Variants in DLGAP2 observed in about 807,000 individuals in gnomAD.
The protein encoded by DLGAP2 is disks large-associated protein 2.
A neutral mutation model predicts 100.3 loss-of-function variants in DLGAP2; 26 were observed. The ratio of observed to expected loss-of-function variants is 0.26; its 90% CI spans 0.19 to 0.36. The LOEUF (loss-of-function observed/expected upper bound fraction) is 0.36, where lower values mean the gene tolerates loss of function less well. DLGAP2 is among the 10% of genes least tolerant of loss of function. DLGAP2 has a pLI of 1.00. For synonymous variants in DLGAP2, 886 were observed against 630.1 expected, an observed-to-expected ratio of 1.41 and a Z score of -6.08; for missense variants, 1,858 against 1,453.2, an observed-to-expected ratio of 1.28 and a Z score of -4.53.
chr8:1,072,662 G>A (rs1024208135), intron 2 of DLGAP2, among the ~76,000 whole-genome samples: 1 of 152,222 alleles, frequency 6.6e-6, no homozygotes, highest in African/African-American at 2.4e-5. Context: ...GATCAAGCAA[G>A]TCTGTTCACC....
intron 3 of DLGAP2, among the ~76,000 whole-genome samples, chr8:1,307,948 A>G (rs1314584353): frequency 6.6e-6 from 1 of 152,208 alleles, no homozygotes. Context: ...CAATGGCACA[A>G]TGGTGTGAAT....
At chr8:989,564 G>A (rs1800594474) in intron 2 of DLGAP2, among the ~76,000 whole-genome samples, 1 of 152,124 alleles carries the variant, frequency 6.6e-6, no homozygotes, top group African/African-American at 2.4e-5. Flanking sequence ...TTGTGACCCA[G>A]CAGGACGAGC....
intron 3 of DLGAP2, among the ~76,000 whole-genome samples, chr8:1,490,890 G>T: frequency 6.6e-6 from 1 of 151,182 alleles, no homozygotes; most frequent in East Asian, 1.9e-4. Context: ...GGGGGGACGG[G>T]GGAGGGATAG....
chr8:1,019,098 C>G (rs1447232703), intron 2 of DLGAP2: 1 of 152,194 alleles, frequency 6.6e-6, no homozygotes, highest in East Asian at 1.9e-4. Flanking sequence ...TGGTCATGCA[C>G]CATGCCAGCC....
intron 1 of DLGAP2, among the ~76,000 whole-genome samples, chr8:863,245 C>G (rs922058072): frequency 6.6e-6 from 1 of 152,182 alleles, no homozygotes. Flanking sequence ...TGGACATGCT[C>G]TGCACCAGGG....
intron 1 of DLGAP2, among the ~76,000 whole-genome samples, chr8:753,113 A>T (rs1389313888): frequency 4.6e-5 from 7 of 152,146 alleles, no homozygotes; most frequent in East Asian, 1.9e-4. Context: ...TTGAGAAGCC[A>T]GGAGGGTTCT....
chr8:1,262,466 G>A (rs962325133), intron 3 of DLGAP2: 1 of 152,150 alleles, frequency 6.6e-6, no homozygotes, highest in Non-Finnish European at 1.5e-5. Context: ...GCGTGAAAAT[G>A]GAGCGGCATT....
chr8:1,059,401 C>G (rs558416471), intron 2 of DLGAP2, among the ~76,000 whole-genome samples: 2 of 152,116 alleles, frequency 1.3e-5, no homozygotes, highest in Non-Finnish European at 1.5e-5. Context: ...CTCCTGAGCC[C>G]GAAGGCTTGG....
At chr8:1,572,871 C>T (rs1442643086) in intron 6 of DLGAP2, among the ~76,000 whole-genome samples, 3 of 103,064 alleles carry the variant, frequency 2.9e-5, no homozygotes, top group African/African-American at 3.9e-5. Context: ...ACTGTGGGGG[C>T]ATCTGATGAG....
At chr8:1,207,674 A>G (rs574658002) in intron 2 of DLGAP2, among the ~76,000 whole-genome samples, 1 of 152,200 alleles carries the variant, frequency 6.6e-6, no homozygotes, top group East Asian at 1.9e-4. Context: ...ACTAGTTTAC[A>G]TTCCCACCAG....
intron 1 of DLGAP2, among the ~76,000 whole-genome samples, chr8:815,605 A>G (rs1393738323): frequency 6.6e-6 from 1 of 152,266 alleles, no homozygotes. Flanking sequence ...ATCCTAAACA[A>G]CTTGGTAAAG....
At chr8:1,253,166 G>T (rs926326597) in intron 2 of DLGAP2, among the ~76,000 whole-genome samples, 2 of 152,242 alleles carry the variant, frequency 1.3e-5, no homozygotes, top group Non-Finnish European at 2.9e-5. Flanking sequence ...CCTCAGGAAA[G>T]CGGTACCCAT....
At chr8:1,245,099 G>A (rs970091362) in intron 2 of DLGAP2, among the ~76,000 whole-genome samples, 13 of 152,196 alleles carry the variant, frequency 8.5e-5, no homozygotes. Context: ...AATCGTAAGT[G>A]CTGGCAAGAT....
intron 8 of DLGAP2, among the ~76,000 whole-genome samples, chr8:1,637,656 G>T (rs1392541455): frequency 6.6e-6 from 1 of 152,170 alleles, no homozygotes; most frequent in Non-Finnish European, 1.5e-5. Context: ...CTAAAGAAAA[G>T]ATCAAATTAC....
chr8:1,084,713 C>T (rs1803918436), intron 2 of DLGAP2, among the ~76,000 whole-genome samples: 1 of 152,190 alleles, frequency 6.6e-6, no homozygotes, highest in South Asian at 2.1e-4. Context: ...ACATTCTTTC[C>T]TTCTTTTGAG....
At chr8:926,653 C>T (rs1798822469) in intron 2 of DLGAP2, among the ~76,000 whole-genome samples, 1 of 152,216 alleles carries the variant, frequency 6.6e-6, no homozygotes, top group Non-Finnish European at 1.5e-5. Flanking sequence ...GCGGCCGTGG[C>T]CAGGGCATGA....
chr8:1,618,643 A>C (rs1176787580), intron 6 of DLGAP2, among the ~76,000 whole-genome samples: 1 of 152,262 alleles, frequency 6.6e-6, no homozygotes, highest in Non-Finnish European at 1.5e-5. Flanking sequence ...ATCTGATTTC[A>C]AGACTTGCGT....
At chr8:913,204 G>A (rs1355819813) in intron 2 of DLGAP2, among the ~76,000 whole-genome samples, 1 of 152,210 alleles carries the variant, frequency 6.6e-6, no homozygotes, top group Non-Finnish European at 1.5e-5. Flanking sequence ...ATGTAGAGCT[G>A]TTGAAACAGA....
At chr8:1,039,854 G>A (rs1802267769) in intron 2 of DLGAP2, among the ~76,000 whole-genome samples, 1 of 147,622 alleles carries the variant, frequency 6.8e-6, no homozygotes, top group African/African-American at 2.5e-5. Flanking sequence ...GTTCAGCTCG[G>A]TGTGCGTGGT....
Sources: allele counts gnomAD v4.1 joint callset (sites outside exome capture counted in the v4.1 genomes callset), GRCh38; gene constraint gnomAD v4.1.1; transcripts MANE v1.5; gene names NCBI Gene and HGNC (gene_info 2026-07-23, HGNC 2026-07-21).